HBP1: variants seen among roughly 807,000 people sequenced by gnomAD.
HBP1 encodes the protein HMG box-containing protein 1.
Under a neutral mutation model 62.6 loss-of-function variants are expected in HBP1, and 20 were observed. That is an observed-to-expected ratio of 0.32 (90% CI 0.22 to 0.46). The LOEUF (loss-of-function observed/expected upper bound fraction) is 0.46. Ranked by LOEUF, HBP1 falls within the 20% of genes least tolerant of loss-of-function variation. The pLI, the probability that HBP1 is intolerant of heterozygous loss-of-function variation, is 1.00. For synonymous variants in HBP1, 232 were observed against 206.2 expected (o/e 1.12, Z -1.07); for missense variants, 480 against 611.8 (o/e 0.78, Z 2.27).
At chr7:107,185,966 C>A in intron 4 of HBP1, 24 bp downstream of exon 4, 1 of 1,584,428 alleles carries the variant, frequency 6.3e-7, no homozygotes, top group Non-Finnish European at 8.7e-7. Context: ...TGAGGTTAAA[C>A]TTTTACAAAG....
At chr7:107,171,622 G>C (rs920386954) in intron 1 of HBP1, among the ~76,000 whole-genome samples, 1 of 152,060 alleles carries the variant, frequency 6.6e-6, no homozygotes, top group African/African-American at 2.4e-5. Flanking sequence ...CCAGCGCTTT[G>C]AGAGGCTGAG....
chr7:107,200,175 C>T lies in HBP1; in HGVS notation c.1401C>T (p.Ile467=). The T allele has an allele frequency of 6.2e-7, 1 of 1,603,538 alleles. No individual in the cohort carries two copies. The highest frequency in any genetic ancestry group is 8.5e-7 in the Non-Finnish European group (1 of 1,174,706). The change falls in exon 10 of 11, where the codon ATC becomes ATT. Residue 467 remains isoleucine, a synonymous_variant. Coordinates refer to ENST00000222574, the MANE Select transcript of HBP1 (RefSeq NM_012257.4). ...PGKDNRAISV[I]LGDRWKKMKN... is the part of the protein sequence containing the mutation. ...TATTTTACAGAGCCATAAGTGTGAT[C>T]CTTGGTGACAGGTGGAAGAAAATGA... is the stretch of plus-strand genomic sequence containing the variant.
At chr7:107,175,848 C>T (rs1796817997) in intron 1 of HBP1, among the ~76,000 whole-genome samples, 1 of 151,132 alleles carries the variant, frequency 6.6e-6, no homozygotes, top group African/African-American at 2.4e-5. Context: ...TCCCGAGTAG[C>T]TGGGACTACA....
At chr7:107,195,136 C>T (rs757807887) in intron 8 of HBP1, among the ~76,000 whole-genome samples, 1 of 152,206 alleles carries the variant, frequency 6.6e-6, no homozygotes, top group Non-Finnish European at 1.5e-5. Flanking sequence ...ATTCTCCTGC[C>T]TCAGTCACCC....
intron 8 of HBP1, among the ~76,000 whole-genome samples, chr7:107,194,449 C>T (rs556219635): frequency 4.5e-4 from 68 of 152,260 alleles, no homozygotes; most frequent in African/African-American, 1.5e-3. Flanking sequence ...GTTTTCCTGA[C>T]GTAATACTGA....
In HBP1 at chr7:107,190,236, A is replaced by T. The variant is rs766645622; in HGVS notation, c.986A>T (p.His329Leu). 7.4e-6 allele frequency: 12 copies of T among 1,611,762 alleles called. No homozygotes were observed. In the South Asian group the frequency reaches 1.2e-4, roughly 16 times the overall value. The change falls in exon 8 of 11, where the codon CAT (histidine) becomes CTT (leucine). Residue 329 changes from histidine (H) to leucine (L), a missense_variant. Physicochemically the swap from His to Leu is moderately conservative, Grantham distance 99 (BLOSUM62 -3). Transcript: ENST00000222574. ...VQHGIPCCEV[H>L]IGDVCLPPGH... ...CATGGCATTCCATGTTGTGAAGTTCATATTGGCGATGTATGTCTACCTCCT... is the reference window on the plus strand; with the variant it reads ...CATGGCATTCCATGTTGTGAAGTTCTTATTGGCGATGTATGTCTACCTCCT...
At chr7:107,189,895 T>C (rs1797563293) in intron 7 of HBP1, 1 of 295,220 alleles carries the variant, frequency 3.4e-6, no homozygotes, top group Non-Finnish European at 6.2e-6. Flanking sequence ...CTGATGGAAG[T>C]GCTCATTGTC....
At chr7:107,189,937 A>T (rs1342892230) in intron 7 of HBP1, 3 of 357,162 alleles carry the variant, frequency 8.4e-6, no homozygotes, top group East Asian at 4.5e-5. Flanking sequence ...TGATTGATAG[A>T]GGAGCTCTAT....
At chr7:107,171,854 C>A (rs1324705027) in intron 1 of HBP1, among the ~76,000 whole-genome samples, 1 of 141,130 alleles carries the variant, frequency 7.1e-6, no homozygotes, top group Non-Finnish European at 1.5e-5. Context: ...AACGAGACTT[C>A]CTCTCCAAAA....
chr7:107,193,867 TA>T lies in HBP1; in HGVS notation c.1068-1960del, dbSNP rs1797765514. 2.0e-5 allele frequency among the ~76,000 whole-genome samples: 3 copies of T among 152,262 alleles called. No individual in the cohort carries two copies. The South Asian group carries it at 6.2e-4, about 32-fold the overall frequency. On this transcript the variant is annotated intron_variant, in intron 8 of 10. Coordinates refer to ENST00000222574, the MANE Select transcript of HBP1 (RefSeq NM_012257.4). ...TAAATTAATATTTCTGTGGCTCCTT[TA>T]AAAAAATCTGTAGAATGGGGATAAT...
intron 8 of HBP1, 84 bp from the exon 9 acceptor site, chr7:107,195,747 TTTC>T (rs1446585485): frequency 4.4e-6 from 3 of 677,338 alleles, no homozygotes; most frequent in African/African-American, 1.8e-5. Context: ...AATCAGATGT[TTTC>T]TTTTTTTTTT....
chr7:107,189,504 G>T lies in HBP1; in HGVS notation c.922+56G>T, dbSNP rs1797545655. The T allele has an allele frequency of 3.7e-6, 5 of 1,336,466 alleles. No homozygotes were observed. In the South Asian group the frequency reaches 5.4e-5, roughly 14 times the overall value. The allele number at this position is 1,336,466 out of a possible 1,614,324, so 82.8% of individuals were successfully genotyped here. On this transcript the variant is annotated intron_variant, in intron 7 of 10. Coordinates refer to ENST00000222574, the MANE Select transcript of HBP1 (RefSeq NM_012257.4). Reference sequence around the variant, plus strand: ...TTTTTAAACAAAGCTTCTTAAATCTGTAATTATGTCTGTAGCTTTGATGAT... The same window carrying T: ...TTTTTAAACAAAGCTTCTTAAATCTTTAATTATGTCTGTAGCTTTGATGAT...
Position 107,201,481 on chromosome 7 carries a change from T to G in HBP1, c.*50T>G. On this transcript the variant is annotated 3_prime_UTR_variant, in exon 11 of 11. Transcript: ENST00000222574. ...CTATATTTGCATATACATTGACTCT[T>G]GATGGAAAGACTTAAGAAGATCAAG... 1 of 1,212,384 alleles carries G rather than the reference T, an allele frequency of 8.2e-7. No individual in the cohort carries two copies. The allele number at this position is 1,212,384 out of a possible 1,614,324, so 75.1% of individuals were successfully genotyped here.
chr7:107,180,924 G>T (rs1029461989), intron 2 of HBP1, among the ~76,000 whole-genome samples: 5 of 152,102 alleles, frequency 3.3e-5, no homozygotes, highest in African/African-American at 1.2e-4. Flanking sequence ...GGGCCGAGGG[G>T]AGTATAAATA....
intron 9 of HBP1, 149 bp from the exon 10 acceptor site, chr7:107,200,011 G>C: frequency 3.6e-6 from 2 of 555,848 alleles, no homozygotes; most frequent in Non-Finnish European, 6.1e-6. Context: ...CTGGAAATGA[G>C]CATTATGGCC....
chr7:107,194,803 C>T (rs766200149), intron 8 of HBP1, among the ~76,000 whole-genome samples: 3 of 152,172 alleles, frequency 2.0e-5, no homozygotes, highest in Non-Finnish European at 2.9e-5. Context: ...GTACTATAGG[C>T]AGAAAGAGAG....
chr7:107,182,695 A>C (rs1448787267), intron 3 of HBP1, 94 bp downstream of exon 3: 1 of 629,758 alleles, frequency 1.6e-6, no homozygotes, highest in African/African-American at 1.8e-5. Context: ...GTAATACTTT[A>C]AATTATTAGA....
chr7:107,199,173 C>T (rs558337835), intron 9 of HBP1, among the ~76,000 whole-genome samples: 1 of 152,230 alleles, frequency 6.6e-6, no homozygotes, highest in African/African-American at 2.4e-5. Flanking sequence ...GCAACCTCTG[C>T]CTCCCGGGTT....
At chr7:107,198,452 T>G (rs1798036029) in intron 9 of HBP1, among the ~76,000 whole-genome samples, 1 of 152,080 alleles carries the variant, frequency 6.6e-6, no homozygotes, top group African/African-American at 2.4e-5. Context: ...TCAGGTGATC[T>G]GCCCACCTCT....
Sources: allele counts gnomAD v4.1 joint callset (sites outside exome capture counted in the v4.1 genomes callset), GRCh38; gene constraint gnomAD v4.1.1; transcripts MANE v1.5; gene names NCBI Gene and HGNC (gene_info 2026-07-23, HGNC 2026-07-21).